BTNL3: variants seen among roughly 807,000 people sequenced by gnomAD.
The protein encoded by BTNL3 is butyrophilin-like protein 3.
A neutral mutation model predicts 40.1 loss-of-function variants in BTNL3; 20 were observed. The ratio of observed to expected loss-of-function variants is 0.50; its 90% CI spans 0.35 to 0.72. The LOEUF is 0.72. Ranked by LOEUF, BTNL3 falls within the 30% of genes least tolerant of loss-of-function variation. The pLI, the probability that BTNL3 is intolerant of heterozygous loss-of-function variation, is 0.01. For missense variants in BTNL3, 449 were observed against 582.2 expected, an observed-to-expected ratio of 0.77 and a Z score of 2.35; for synonymous variants, 179 against 222.1, an observed-to-expected ratio of 0.81 and a Z score of 1.73.
rs550212666 is a variant in BTNL3 at position 180,993,285 on chromosome 5, C to T, written c.397+125C>T. Reference sequence around the variant, plus strand: ...ATTCTGACATGATGTAAAAAGGCTTCGGTGGGGATCACTGACCTGAGGTTT... The same window carrying T: ...ATTCTGACATGATGTAAAAAGGCTTTGGTGGGGATCACTGACCTGAGGTTT... On this transcript the variant is annotated intron_variant, in intron 2 of 7. Coordinates refer to ENST00000342868, the MANE Select transcript of BTNL3 (RefSeq NM_197975.3). 23 of 1,277,138 alleles carry T rather than the reference C, an allele frequency of 1.8e-5. 5 individuals are homozygous for T. In the African/African-American group the frequency reaches 2.1e-4, roughly 11 times the overall value. 79.1% of individuals were successfully genotyped at this position (1,277,138 alleles called of 1,614,324 possible).
At chr5:181,003,474 AACTG>A (rs1035880579) in intron 4 of BTNL3, among the ~76,000 whole-genome samples, 2 of 137,348 alleles carry the variant, frequency 1.5e-5, no homozygotes, top group African/African-American at 5.0e-5. Context: ...GAGGAAATAA[AACTG>A]ACTGACTGAG....
At chr5:181,002,599 G>A in intron 3 of BTNL3, 73 bp from the exon 4 acceptor site, 1 of 1,335,206 alleles carries the variant, frequency 7.5e-7, no homozygotes. Flanking sequence ...GGGTACTGGG[G>A]GATTCCTTAA....
chr5:181,005,598 G>C lies in BTNL3; in HGVS notation c.1127G>C (p.Gly376Ala). Residue 376 changes from glycine (G) to alanine (A), a missense_variant, in exon 8 of 8, where the codon GGG becomes GCG. By Grantham distance (60) the Gly-to-Ala change is moderately conservative. Around this residue, in one of 2 missense-constraint regions of BTNL3, gnomAD observed 126 missense variants for 117.2 expected, o/e 1.07. Coordinates refer to ENST00000342868, the MANE Select transcript of BTNL3 (RefSeq NM_197975.3). Reference sequence around the variant, plus strand: ...AATGTGACTTTGTCTCCCAACAATGGGTATTGGGTCCTCAGACTGACAACA... The same window carrying C: ...AATGTGACTTTGTCTCCCAACAATGCGTATTGGGTCCTCAGACTGACAACA... Reference protein sequence around the residue: ...KNNVTLSPNNGYWVLRLTTEH... With the variant: ...KNNVTLSPNNAYWVLRLTTEH... 1 of 1,613,910 alleles carries C rather than the reference G, an allele frequency of 6.2e-7. No individual in the cohort carries two copies. Among genetic ancestry groups the C allele is most frequent in the Non-Finnish European group, 8.5e-7 (1 of 1,179,970 alleles).
In BTNL3 at chr5:180,989,270, G is replaced by T. The variant is rs142350384; in HGVS notation, c.49+193G>T. Among the ~76,000 whole-genome samples, 87 of 137,102 alleles carry T rather than the reference G, an allele frequency of 6.3e-4. 18 individuals are homozygous for T. The highest frequency in any genetic ancestry group is 1.3e-3 in the Non-Finnish European group (78 of 59,940). 89.9% of individuals were successfully genotyped at this position (137,102 alleles called of 152,430 possible). A position where few individuals can be genotyped will look rare whatever the true frequency, so the allele number is the denominator to read the frequency against. On this transcript the variant is annotated intron_variant, in intron 1 of 7. Transcript: ENST00000342868. ...GCACAGGGCAGCAGGAATTGAGGAAGACTCCTTGGGCTGTTTCTCAAGGAC... is the reference window on the plus strand; with the variant it reads ...GCACAGGGCAGCAGGAATTGAGGAATACTCCTTGGGCTGTTTCTCAAGGAC...
Position 181,005,568 on chromosome 5 carries a change from A to T in BTNL3, c.1097A>T (p.Lys366Met), listed in dbSNP as rs747840201. Residue 366 changes from lysine (K) to methionine (M), a missense_variant, in exon 8 of 8, where the codon AAG (lysine) becomes ATG (methionine). Around this residue, in one of 2 missense-constraint regions of BTNL3, gnomAD observed 323 missense variants for 464.9 expected, o/e 0.69. Transcript: ENST00000342868. ...GVCRDDVDRG[K>M]NNVTLSPNNG... ...TGTCGGGATGACGTAGACAGGGGGAAGAACAATGTGACTTTGTCTCCCAAC... is the reference window on the plus strand; with the variant it reads ...TGTCGGGATGACGTAGACAGGGGGATGAACAATGTGACTTTGTCTCCCAAC... 2.5e-6 allele frequency: 4 copies of T among 1,614,064 alleles called. No homozygotes were observed. Among genetic ancestry groups the T allele is most frequent in the Non-Finnish European group, 3.4e-6 (4 of 1,180,000 alleles).
intron 4 of BTNL3, among the ~76,000 whole-genome samples, chr5:181,003,459 T>C (rs867123229): frequency 2.9e-5 from 4 of 137,086 alleles, no homozygotes; most frequent in African/African-American, 5.0e-5. Flanking sequence ...AAAGACTTCA[T>C]AGAAGAGGAA....
chr5:181,005,665 C>T lies in BTNL3; in HGVS notation c.1194C>T (p.Leu398=), dbSNP rs759109064. The T allele has an allele frequency of 2.2e-5, 36 of 1,613,724 alleles. 1 individual carries two copies. The South Asian group carries it at 2.4e-4, about 11-fold the overall frequency. Residue 398 remains leucine, a synonymous_variant, in exon 8 of 8, where the codon CTC becomes CTT. Coordinates refer to ENST00000342868, the MANE Select transcript of BTNL3 (RefSeq NM_197975.3). ...CATTCAATCCCCATTTTATCAGCCTCCCCCCCAGCACCCCTCCTACACGAG... is the reference window on the plus strand; with the variant it reads ...CATTCAATCCCCATTTTATCAGCCTTCCCCCCAGCACCCCTCCTACACGAG... ...YFTFNPHFIS[L]PPSTPPTRVG...
chr5:181,002,376 GTATATATATATATA>G lies in BTNL3; in HGVS notation c.674-282_674-269del, dbSNP rs55873315. Among the ~76,000 whole-genome samples, 5 of 81,598 alleles carry G rather than the reference GTATATATATATATA, an allele frequency of 6.1e-5. 1 individual carries two copies. The highest frequency in any genetic ancestry group is 1.1e-4 in the African/African-American group (3 of 26,260). 53.5% of individuals were successfully genotyped at this position (81,598 alleles called of 152,430 possible). ...CACACACACACACACACGTGTGTGTGTATATATATATATATATATATATATATGAAATCCAGATG... is the reference window on the plus strand; with the variant it reads ...CACACACACACACACACGTGTGTGTGTATATATATATATGAAATCCAGATG... On this transcript the variant is annotated intron_variant, in intron 3 of 7. Coordinates refer to ENST00000342868, the MANE Select transcript of BTNL3 (RefSeq NM_197975.3).
Position 181,002,178 on chromosome 5 carries a change from A to C in BTNL3, c.674-494A>C, listed in dbSNP as rs1247531644. On this transcript the variant is annotated intron_variant, in intron 3 of 7. Coordinates refer to ENST00000342868, the MANE Select transcript of BTNL3 (RefSeq NM_197975.3). ...AGAGATAACCCTATGGATCAATGAG[A>C]GAGAACAAAGAGCCCAGAAACAAAT... is the stretch of plus-strand genomic sequence containing the variant. Among the ~76,000 whole-genome samples the C allele has an allele frequency of 3.8e-5, 5 of 132,812 alleles. 1 individual carries two copies. The highest frequency in any genetic ancestry group is 7.7e-5 in the African/African-American group (3 of 38,986). The allele number at this position is 132,812 out of a possible 152,430, so 87.1% of individuals were successfully genotyped here.
Position 181,005,514 on chromosome 5 carries a change from G to A in BTNL3, c.1043G>A (p.Gly348Glu). The change falls in exon 8 of 8, where the codon GGA (glycine) becomes GAA (glutamate). Residue 348 changes from glycine (G) to glutamate (E), a missense_variant. By Grantham distance (98) the Gly-to-Glu change is moderately conservative. Coordinates refer to ENST00000342868, the MANE Select transcript of BTNL3 (RefSeq NM_197975.3). The part of the protein sequence containing the change: ...AGKHYWEVDV[G>E]QNVGWYVGVC... Reference sequence around the variant, plus strand: ...AAACATTACTGGGAGGTGGACGTGGGACAAAATGTAGGGTGGTATGTGGGA... The same window carrying A: ...AAACATTACTGGGAGGTGGACGTGGAACAAAATGTAGGGTGGTATGTGGGA... 3 of 1,614,142 alleles carry A rather than the reference G, an allele frequency of 1.9e-6. No individual in the cohort carries two copies. The highest frequency in any genetic ancestry group is 2.5e-6 in the Non-Finnish European group (3 of 1,180,022).
At position 180,997,495 on chromosome 5, in the gene BTNL3, G is replaced by C. The variant is rs372053027; in HGVS notation, c.673+7G>C. Reference sequence around the variant, plus strand: ...TCCAAGGTATTGATAGGAGGTGAGTGGGGAGAAGGAGGAGCAAGGAATGGG... The same window carrying C: ...TCCAAGGTATTGATAGGAGGTGAGTCGGGAGAAGGAGGAGCAAGGAATGGG... On this transcript the variant is annotated splice_region_variant and intron_variant, in intron 3 of 7. Coordinates refer to ENST00000342868, the MANE Select transcript of BTNL3 (RefSeq NM_197975.3). The C allele has an allele frequency of 1.2e-5, 18 of 1,463,428 alleles. 3 individuals carry two copies. The African/African-American group carries it at 2.5e-4, about 20-fold the overall frequency. 90.7% of individuals were successfully genotyped at this position (1,463,428 alleles called of 1,614,324 possible). A position where few individuals can be genotyped will look rare whatever the true frequency, so the allele number is the denominator to read the frequency against.
rs1295724846 is a variant in BTNL3, at chr5:180,993,161, G to A, written c.397+1G>A. 2.1e-6 allele frequency: 3 copies of A among 1,429,872 alleles called. 1 individual carries two copies. The highest frequency in any genetic ancestry group is 1.9e-6 in the Non-Finnish European group (2 of 1,041,214). The allele number at this position is 1,429,872 out of a possible 1,614,324, so 88.6% of individuals were successfully genotyped here. A position where few individuals can be genotyped will look rare whatever the true frequency, so the allele number is the denominator to read the frequency against. On this transcript the variant is annotated splice_donor_variant, in intron 2 of 7. Transcript: ENST00000342868. LOFTEE classifies it high-confidence loss of function. ...GCCACCTGGGAGCTGCGGGTGGCAG[G>A]TCAGTTGTTTATTTATGACTGAGTT...
In BTNL3 at chr5:180,990,900, C is replaced by T. The variant is rs755746625; in HGVS notation, c.49+1823C>T. On this transcript the variant is annotated intron_variant, in intron 1 of 7. Transcript: ENST00000342868. ...GGGTCCTTTGGAGGAACTGTATAGA[C>T]GATGGCTCAGGATCTTCCCAACATC... 1.9e-4 allele frequency among the ~76,000 whole-genome samples: 26 copies of T among 137,468 alleles called. 6 individuals are homozygous for T. The highest frequency in any genetic ancestry group is 4.3e-4 in the South Asian group (2 of 4,616). 90.2% of individuals were successfully genotyped at this position (137,468 alleles called of 152,430 possible).
chr5:180,997,600 G>C lies in BTNL3; in HGVS notation c.673+112G>C, dbSNP rs571491181. 1.7e-4 allele frequency: 228 copies of C among 1,349,600 alleles called. 24 individuals carry two copies. The South Asian group carries it at 2.7e-3, about 16-fold the overall frequency. The allele number at this position is 1,349,600 out of a possible 1,614,324, so 83.6% of individuals were successfully genotyped here. On this transcript the variant is annotated intron_variant, in intron 3 of 7. Coordinates refer to ENST00000342868, the MANE Select transcript of BTNL3 (RefSeq NM_197975.3). ...TAGTACCATCCAGCTTCAATGATTTGTTTTGAGAGTCAAAGATTGATGAGG... is the reference window on the plus strand; with the variant it reads ...TAGTACCATCCAGCTTCAATGATTTCTTTTGAGAGTCAAAGATTGATGAGG...
chr5:181,004,025 G>A (rs1461742581), intron 5 of BTNL3, 149 bp downstream of exon 5: 3 of 1,521,888 alleles, frequency 2.0e-6, no homozygotes, highest in Non-Finnish European at 2.7e-6. Flanking sequence ...TCCATCCACT[G>A]CTCATGAGTT....
rs997114095 is a variant in BTNL3, at chr5:181,006,110, C to T, written c.*238C>T. 8.1e-6 allele frequency: 4 copies of T among 496,594 alleles called. No individual in the cohort carries two copies. Among genetic ancestry groups the T allele is most frequent in the Non-Finnish European group, 1.4e-5 (4 of 286,334 alleles). The allele number at this position is 496,594 out of a possible 1,614,324, so 30.8% of individuals were successfully genotyped here. A position where few individuals can be genotyped will look rare whatever the true frequency, so the allele number is the denominator to read the frequency against. ...CTGTGGGAGTCAGAAGCCATGGCTG[C>T]CCTGAAGTGGGGACGGAATAGACTC... On this transcript the variant is annotated 3_prime_UTR_variant, in exon 8 of 8. Coordinates refer to ENST00000342868, the MANE Select transcript of BTNL3 (RefSeq NM_197975.3).
chr5:181,003,709 G>A (rs138225701), intron 4 of BTNL3, 147 bp from the exon 5 acceptor site: 18,129 of 1,463,452 alleles, frequency 0.012, 113 homozygotes, highest in Middle Eastern at 0.014. Context: ...TCCGTGCAGG[G>A]GCTGGGGAGA....
rs370181017 is a variant in BTNL3 at position 181,005,580 on chromosome 5, C to T, written c.1109C>T (p.Thr370Ile). ...GTAGACAGGGGGAAGAACAATGTGA[C>T]TTTGTCTCCCAACAATGGGTATTGG... is the stretch of plus-strand genomic sequence containing the variant. Reference protein sequence around the residue: ...DDVDRGKNNVTLSPNNGYWVL... With the variant: ...DDVDRGKNNVILSPNNGYWVL... Residue 370 changes from threonine (T) to isoleucine (I), a missense_variant, in exon 8 of 8, where the codon ACT becomes ATT. Thr to Ile is a moderately conservative substitution (Grantham distance 89). This residue lies in a region of BTNL3 where 323 missense variants were observed against 464.9 expected (regional missense o/e 0.69). Transcript: ENST00000342868. 2,888 of 1,613,956 alleles carry T rather than the reference C, an allele frequency of 1.8e-3. 65 individuals carry two copies. In the South Asian group the frequency reaches 0.03, roughly 17 times the overall value.
Position 181,005,959 on chromosome 5 carries a change from C to G in BTNL3, c.*87C>G, listed in dbSNP as rs901507160. 2 of 1,396,324 alleles carry G rather than the reference C, an allele frequency of 1.4e-6. No homozygotes were observed. Among genetic ancestry groups the G allele is most frequent in the African/African-American group, 2.9e-5 (2 of 68,668 alleles). The allele number at this position is 1,396,324 out of a possible 1,614,324, so 86.5% of individuals were successfully genotyped here. A position where few individuals can be genotyped will look rare whatever the true frequency, so the allele number is the denominator to read the frequency against. ...TGCTCCCGACAGGTGGCCCCAGCTT[C>G]CTCTCCGGAGCCTGCGCACAGAGAG... is the stretch of plus-strand genomic sequence containing the variant. On this transcript the variant is annotated 3_prime_UTR_variant, in exon 8 of 8. Transcript: ENST00000342868.
Sources: allele counts gnomAD v4.1 joint callset (sites outside exome capture counted in the v4.1 genomes callset), GRCh38; gene constraint gnomAD v4.1.1; regional missense constraint gnomAD v4.1.1; transcripts MANE v1.5; gene names NCBI Gene and HGNC (gene_info 2026-07-23, HGNC 2026-07-21).